Variants in RNF32 observed in about 807,000 individuals in gnomAD.
RNF32 encodes ring finger protein 32.
Under a neutral mutation model 41.0 loss-of-function variants are expected in RNF32, and 36 were observed. That is an observed-to-expected ratio of 0.88 (90% CI 0.67 to 1.16). RNF32 has a LOEUF of 1.16. Ranked by LOEUF, RNF32 falls within the 50% of genes most tolerant of loss-of-function variation. The pLI is 0.00. For synonymous variants in RNF32, 154 were observed against 160.9 expected (o/e 0.96, Z 0.32); for missense variants, 413 against 436.7 (o/e 0.95, Z 0.48).
At position 156,676,628 on chromosome 7, in the gene RNF32, C is replaced by A; in HGVS notation, c.1062C>A (p.Cys354Ter). ...ATGCCTGTCCTCTCTGCCGCTCCTG[C>A]TACCAGAAGAAGATTCTTGAATGTT... ...PFHACPLCRS[C>*]YQKKILEC Residue 354 changes from cysteine (C) to a stop codon, truncating the protein, a stop_gained, in exon 9 of 9, where the codon TGC becomes TGA. Transcript: ENST00000317955. LOFTEE classifies it high-confidence loss of function. The A allele has an allele frequency of 6.2e-7, 1 of 1,613,910 alleles. No individual in the cohort carries two copies. The highest frequency in any genetic ancestry group is 1.6e-4 in the Middle Eastern group (1 of 6,062).
At chr7:156,642,893 A>G (rs1220573886) in intron 1 of RNF32, 1 of 152,226 alleles carries the variant, frequency 6.6e-6, no homozygotes, top group Non-Finnish European at 1.5e-5. Context: ...TTATAGGGAA[A>G]CAACATTAGA....
intron 3 of RNF32, 57 bp from the exon 4 acceptor site, chr7:156,654,519 G>A: frequency 6.7e-7 from 1 of 1,496,314 alleles, no homozygotes; most frequent in Admixed American, 1.8e-5. Flanking sequence ...AAAGTTATAG[G>A]TGGGTGCCAT....
chr7:156,659,311 C>T, intron 7 of RNF32: 1 of 994,034 alleles, frequency 1.0e-6, no homozygotes, highest in Non-Finnish European at 1.2e-6. Context: ...TCACTATTAA[C>T]TCCTTTCCTA....
chr7:156,640,204 G>A (rs555969493), upstream of RNF32: 119 of 455,036 alleles, frequency 2.6e-4, no homozygotes, highest in African/African-American at 2.1e-3. Flanking sequence ...CCTGAGCGGC[G>A]CGGGGGGATC....
intron 7 of RNF32, among the ~76,000 whole-genome samples, chr7:156,663,562 T>A (rs1046482201): frequency 6.6e-6 from 1 of 152,074 alleles, no homozygotes; most frequent in Non-Finnish European, 1.5e-5. Context: ...CCCAAAGGAG[T>A]AGGATTGGCT....
rs1283351191 is a variant in RNF32 at position 156,664,118 on chromosome 7, CATTGCGTG to C, written c.684+5554_684+5561del. Among the ~76,000 whole-genome samples, 5 of 152,322 alleles carry C rather than the reference CATTGCGTG, an allele frequency of 3.3e-5. No homozygotes were observed. In the South Asian group the frequency reaches 6.2e-4, roughly 19 times the overall value. Reference sequence around the variant, plus strand: ...AGATTCTGCTCCAGTGCACACGGCACATTGCGTGATTGCCACCGTGGCTTTTACAACGT... The same window carrying C: ...AGATTCTGCTCCAGTGCACACGGCACATTGCCACCGTGGCTTTTACAACGT... On this transcript the variant is annotated intron_variant, in intron 7 of 8. Transcript: ENST00000317955.
At chr7:156,672,841 T>C (rs776874578) in intron 7 of RNF32, among the ~76,000 whole-genome samples, 8 of 152,248 alleles carry the variant, frequency 5.3e-5, no homozygotes, top group Non-Finnish European at 7.3e-5. Context: ...CCAGGAATGA[T>C]AACTAATGCT....
At chr7:156,676,368 T>C in intron 8 of RNF32, 51 bp from the exon 9 acceptor site, 1 of 1,613,844 alleles carries the variant, frequency 6.2e-7, no homozygotes, top group South Asian at 1.1e-5. Flanking sequence ...AGTAACTTTC[T>C]GCTGTGATGA....
At chr7:156,663,274 A>G (rs761291236) in intron 7 of RNF32, among the ~76,000 whole-genome samples, 38 of 152,256 alleles carry the variant, frequency 2.5e-4, no homozygotes, top group Non-Finnish European at 3.8e-4. Context: ...ACTTACTGTC[A>G]TCACACTTGA....
Position 156,675,876 on chromosome 7 carries a change from G to A in RNF32, c.852+13G>A. 1 of 1,608,700 alleles carries A rather than the reference G, an allele frequency of 6.2e-7. No homozygotes were observed. ...AATCCAAGTGCAGGTAGGTTTGGCTGGCAGCCTGGCAACCAGCAGACTCAG... is the reference window on the plus strand; with the variant it reads ...AATCCAAGTGCAGGTAGGTTTGGCTAGCAGCCTGGCAACCAGCAGACTCAG... On this transcript the variant is annotated intron_variant, in intron 8 of 8. Transcript: ENST00000317955.
At chr7:156,658,724 ACTTT>A in intron 7 of RNF32, 154 bp downstream of exon 7, 1 of 768,308 alleles carries the variant, frequency 1.3e-6, no homozygotes, top group Non-Finnish European at 2.1e-6. Context: ...ATCCTGTTTA[ACTTT>A]AGTTGGCTTT....
chr7:156,658,850 C>T (rs1800149729), intron 7 of RNF32: 4 of 1,504,164 alleles, frequency 2.7e-6, no homozygotes, highest in East Asian at 4.9e-5. Flanking sequence ...TTTAAATAAA[C>T]TTATCTCTTC....
intron 3 of RNF32, chr7:156,654,305 T>C (rs1359085057): frequency 3.4e-6 from 1 of 294,052 alleles, no homozygotes; most frequent in Non-Finnish European, 6.3e-6. Context: ...TTAGGAATTA[T>C]TGGTAATCGA....
chr7:156,658,011 C>G (rs1799991107), intron 5 of RNF32, 117 bp from the exon 6 acceptor site: 1 of 1,069,614 alleles, frequency 9.3e-7, no homozygotes, highest in Non-Finnish European at 1.4e-6. Flanking sequence ...CTAAATTGGG[C>G]TAAGTCTCAT....
chr7:156,660,171 C>T (rs1415956991), intron 7 of RNF32: 5 of 985,528 alleles, frequency 5.1e-6, no homozygotes, highest in Admixed American at 6.1e-5. Flanking sequence ...CACTCTTGCC[C>T]GCCCCCGCAT....
chr7:156,641,269 C>T (rs1456645630), intron 1 of RNF32, among the ~76,000 whole-genome samples: 3 of 152,170 alleles, frequency 2.0e-5, no homozygotes, highest in Non-Finnish European at 2.9e-5. Context: ...TGCATCTTTA[C>T]GTCGTAGGCT....
chr7:156,655,382 CTTAGAT>C (rs974247444), intron 4 of RNF32, among the ~76,000 whole-genome samples: 24 of 152,174 alleles, frequency 1.6e-4, no homozygotes, highest in Non-Finnish European at 2.4e-4. Flanking sequence ...GTTGGGGACA[CTTAGAT>C]TTATCAGAAG....
At position 156,659,185 on chromosome 7, in the gene RNF32, CTCCGAGGCTGTCAT is replaced by C. The variant is rs1312200229; in HGVS notation, c.684+616_684+629del. 13 of 1,174,940 alleles carry C rather than the reference CTCCGAGGCTGTCAT, an allele frequency of 1.1e-5. No homozygotes were observed. The Admixed American group carries it at 4.9e-4, about 44-fold the overall frequency. 72.8% of individuals were successfully genotyped at this position (1,174,940 alleles called of 1,614,324 possible). A position where few individuals can be genotyped will look rare whatever the true frequency, so the allele number is the denominator to read the frequency against. On this transcript the variant is annotated intron_variant, in intron 7 of 8. Transcript: ENST00000317955. The stretch of plus-strand genomic sequence containing the variant: ...TGTGGCTTCAGGCAAACAGCAGCAG[CTCCGAGGCTGTCAT>C]ATGAAAGCCATCACTTCTTCCTGGC...
intron 7 of RNF32, among the ~76,000 whole-genome samples, chr7:156,674,917 T>A (rs1373431087): frequency 6.6e-6 from 1 of 152,206 alleles, no homozygotes; most frequent in Non-Finnish European, 1.5e-5. Flanking sequence ...TTCAAATGTG[T>A]TCCTGCTAAT....
Sources: allele counts gnomAD v4.1 joint callset (sites outside exome capture counted in the v4.1 genomes callset), GRCh38; gene constraint gnomAD v4.1.1; transcripts MANE v1.5; gene names NCBI Gene and HGNC (gene_info 2026-07-23, HGNC 2026-07-21).